The following ASIC2 variants were observed in gnomAD, a reference collection of about 807,000 sequenced individuals.
The protein encoded by ASIC2 is acid-sensing ion channel 2.
Under a neutral mutation model 57.3 loss-of-function variants are expected in ASIC2, and 25 were observed. The ratio of observed to expected loss-of-function variants is 0.44; its 90% CI spans 0.32 to 0.61. The LOEUF (loss-of-function observed/expected upper bound fraction) is 0.61, where lower values mean the gene tolerates loss of function less well. Among genes scored for constraint, ASIC2 ranks in the 20% least tolerant of loss-of-function variants. The probability of loss-of-function intolerance (pLI) is 0.06; values close to 1 mark genes in which losing one functional copy is unlikely to be tolerated. For missense variants in ASIC2, 641 were observed against 738.1 expected, an observed-to-expected ratio of 0.87 and a Z score of 1.52; for synonymous variants, 319 against 307.5, an observed-to-expected ratio of 1.04 and a Z score of -0.39.
chr17:33,890,097 T>C (rs1178785915), intron 1 of ASIC2, among the ~76,000 whole-genome samples: 2 of 152,220 alleles, frequency 1.3e-5, no homozygotes, highest in African/African-American at 2.4e-5. Context: ...AAATTTACTT[T>C]CATTAATTTA....
chr17:33,729,921 T>C (rs896102149), intron 1 of ASIC2, among the ~76,000 whole-genome samples: 3 of 152,242 alleles, frequency 2.0e-5, no homozygotes, highest in African/African-American at 7.2e-5. Context: ...GCTTACCTTA[T>C]ACTTGCTAGA....
At chr17:33,101,386 G>T (rs2092211605) in intron 2 of ASIC2, among the ~76,000 whole-genome samples, 1 of 152,006 alleles carries the variant, frequency 6.6e-6, no homozygotes, top group South Asian at 2.1e-4. Flanking sequence ...AAATCAAGTG[G>T]TATTGCAAGG....
chr17:33,239,152 G>A (rs548403538), intron 1 of ASIC2, among the ~76,000 whole-genome samples: 2 of 151,548 alleles, frequency 1.3e-5, no homozygotes, highest in East Asian at 2.0e-4. Flanking sequence ...TTAGCTGGGC[G>A]TGGTGGCATG....
intron 1 of ASIC2, among the ~76,000 whole-genome samples, chr17:33,342,194 T>C (rs555870258): frequency 1.3e-5 from 2 of 152,108 alleles, no homozygotes; most frequent in East Asian, 3.9e-4. Flanking sequence ...AAGGATAAGG[T>C]CCCTCCCAGG....
intron 1 of ASIC2, among the ~76,000 whole-genome samples, chr17:33,975,930 C>T (rs1361452210): frequency 1.3e-5 from 2 of 151,952 alleles, no homozygotes; most frequent in East Asian, 3.9e-4. Context: ...GAAGATTTCC[C>T]CAAATTCTTC....
intron 1 of ASIC2, among the ~76,000 whole-genome samples, chr17:33,495,058 T>C (rs922171678): frequency 1.2e-4 from 19 of 152,140 alleles, no homozygotes; most frequent in Admixed American, 7.9e-4. Flanking sequence ...TGGAGTGAGA[T>C]TGTGGTTTCT....
intron 1 of ASIC2, among the ~76,000 whole-genome samples, chr17:34,099,221 A>AAGAAAGAAAGAAAGGAAAG (rs1567821099): frequency 4.8e-5 from 5 of 103,956 alleles, no homozygotes; most frequent in African/African-American, 2.3e-4. Context: ...AGGAAAGAAA[A>AAGAAAGAAAGAAAGGAAAG]GAAAGAAAAA....
chr17:33,380,459 T>C (rs543982868), intron 1 of ASIC2, among the ~76,000 whole-genome samples: 3 of 152,134 alleles, frequency 2.0e-5, no homozygotes, highest in Non-Finnish European at 4.4e-5. Flanking sequence ...CTTCATCTTA[T>C]GCAGGAGAAA....
At chr17:33,260,057 G>A (rs565933195) in intron 1 of ASIC2, among the ~76,000 whole-genome samples, 20 of 152,304 alleles carry the variant, frequency 1.3e-4, no homozygotes, top group Non-Finnish European at 2.4e-4. Flanking sequence ...AGGATTGCTT[G>A]AGCCCAGGGA....
chr17:33,178,463 C>A (rs1905848516), intron 1 of ASIC2, among the ~76,000 whole-genome samples: 1 of 152,150 alleles, frequency 6.6e-6, no homozygotes, highest in Non-Finnish European at 1.5e-5. Flanking sequence ...TTATTTAGCA[C>A]CTGCTATTTG....
chr17:33,279,542 G>A (rs1186416333), intron 1 of ASIC2, among the ~76,000 whole-genome samples: 5 of 152,274 alleles, frequency 3.3e-5, no homozygotes, highest in Admixed American at 6.5e-5. Flanking sequence ...TTCTTGGAAC[G>A]TGGAGCACGA....
chr17:33,669,139 G>A (rs970489181), intron 1 of ASIC2, among the ~76,000 whole-genome samples: 1 of 152,150 alleles, frequency 6.6e-6, no homozygotes, highest in Non-Finnish European at 1.5e-5. Context: ...CTGTTCCCTA[G>A]AGGGTCATCC....
At chr17:33,495,244 C>A (rs1164568151) in intron 1 of ASIC2, among the ~76,000 whole-genome samples, 3 of 152,090 alleles carry the variant, frequency 2.0e-5, no homozygotes, top group African/African-American at 7.2e-5. Flanking sequence ...TCTCTAGACC[C>A]AAATTTTAAA....
intron 1 of ASIC2, among the ~76,000 whole-genome samples, chr17:33,117,242 G>A (rs1053817095): frequency 2.0e-5 from 3 of 151,750 alleles, no homozygotes; most frequent in Non-Finnish European, 4.4e-5. Flanking sequence ...GCATGATCTC[G>A]GCTCACTACA....
chr17:33,858,811 G>A (rs1035664914), intron 1 of ASIC2, among the ~76,000 whole-genome samples: 12 of 152,326 alleles, frequency 7.9e-5, no homozygotes, highest in African/African-American at 2.9e-4. Flanking sequence ...TGCAACCATT[G>A]AACCATGCCA....
intron 1 of ASIC2, among the ~76,000 whole-genome samples, chr17:34,148,529 A>T (rs900410506): frequency 1.3e-5 from 2 of 152,224 alleles, no homozygotes; most frequent in Non-Finnish European, 2.9e-5. Flanking sequence ...GTTACAATTT[A>T]GGCCATTTTG....
chr17:33,125,593 T>C (rs1395593075), intron 1 of ASIC2, among the ~76,000 whole-genome samples: 2 of 152,214 alleles, frequency 1.3e-5, no homozygotes, highest in African/African-American at 4.8e-5. Context: ...AAATAAGACA[T>C]GGACACCAAC....
intron 1 of ASIC2, among the ~76,000 whole-genome samples, chr17:33,973,840 C>T (rs1361659303): frequency 6.6e-6 from 1 of 152,164 alleles, no homozygotes; most frequent in Non-Finnish European, 1.5e-5. Flanking sequence ...GAGCACAGGA[C>T]ACCCAAACAG....
intron 1 of ASIC2, among the ~76,000 whole-genome samples, chr17:33,525,902 C>A (rs572621917): frequency 6.6e-6 from 1 of 152,300 alleles, no homozygotes; most frequent in East Asian, 1.9e-4. Flanking sequence ...TGAGCTATTA[C>A]AGCATTTACT....
Sources: gnomAD v4.1 joint callset for allele counts (sites outside exome capture counted in the v4.1 genomes callset) on GRCh38, gnomAD v4.1.1 for gene constraint, MANE v1.5 for transcripts, NCBI Gene and HGNC (gene_info 2026-07-23, HGNC 2026-07-21) for gene names.